Variants in EGFLAM observed in about 807,000 individuals in gnomAD.
EGFLAM encodes pikachurin.
EGFLAM carries 79 observed loss-of-function variants against 113.1 expected under a neutral mutation model. That is an observed-to-expected ratio of 0.70 (90% confidence interval 0.58 to 0.84). EGFLAM has a LOEUF of 0.84. EGFLAM is among the 40% of genes least tolerant of loss of function. The pLI, the probability that EGFLAM is intolerant of heterozygous loss-of-function variation, is 0.00. For synonymous variants in EGFLAM, 504 were observed against 487.6 expected, an observed-to-expected ratio of 1.03 and a Z score of -0.44; for missense variants, 1,265 against 1,291.6, an observed-to-expected ratio of 0.98 and a Z score of 0.32.
intron 6 of EGFLAM, among the ~76,000 whole-genome samples, chr5:38,390,072 G>GA (rs1355765263): frequency 2.0e-5 from 3 of 152,034 alleles, no homozygotes; most frequent in African/African-American, 4.8e-5. Flanking sequence ...CAGTGGTAGA[G>GA]AAAAAAATTA....
Position 38,407,036 on chromosome 5 carries a change from C to T in EGFLAM, c.1037C>T (p.Pro346Leu), listed in dbSNP as rs1741310442. Residue 346 changes from proline (P) to leucine (L), a missense_variant, in exon 8 of 22, where the codon CCT (proline) becomes CTT (leucine). Coordinates refer to ENST00000322350, the MANE Select transcript of EGFLAM (RefSeq NM_152403.4). ...VAIMSRLFDM[P>L]CDETLCSADS... The stretch of plus-strand genomic sequence containing the variant: ...ATAATGTCAAGGCTCTTTGACATGC[C>T]TTGTGATGAAACTCTCTGCTCTGCT... The T allele has an allele frequency of 6.2e-7, 1 of 1,614,164 alleles. No homozygotes were observed. Among genetic ancestry groups the T allele is most frequent in the Non-Finnish European group, 8.5e-7 (1 of 1,180,034 alleles).
chr5:38,430,659 A>G (rs764309730), intron 14 of EGFLAM, among the ~76,000 whole-genome samples: 2 of 152,188 alleles, frequency 1.3e-5, no homozygotes, highest in Non-Finnish European at 2.9e-5. Context: ...ATAGACATGT[A>G]GAGAGATTTA....
At chr5:38,279,202 A>C (rs1386256271) in intron 1 of EGFLAM, among the ~76,000 whole-genome samples, 1 of 152,214 alleles carries the variant, frequency 6.6e-6, no homozygotes, top group African/African-American at 2.4e-5. Context: ...GGCTGTTATC[A>C]AAAAGGCAAA....
At chr5:38,411,297 A>G (rs974341417) in intron 10 of EGFLAM, among the ~76,000 whole-genome samples, 4 of 151,840 alleles carry the variant, frequency 2.6e-5, no homozygotes, top group Non-Finnish European at 5.9e-5. Flanking sequence ...GTGTGGTGGC[A>G]TGCGCCTGTA....
At chr5:38,448,154 C>T (rs1300115505) in intron 17 of EGFLAM, 147 bp from the exon 18 acceptor site, 1 of 860,180 alleles carries the variant, frequency 1.2e-6, no homozygotes, top group Non-Finnish European at 1.9e-6. Flanking sequence ...GTGAACCTGG[C>T]CAAATATGCG....
At chr5:38,459,656 G>C (rs1258598263) in intron 20 of EGFLAM, among the ~76,000 whole-genome samples, 1 of 152,168 alleles carries the variant, frequency 6.6e-6, no homozygotes, top group Non-Finnish European at 1.5e-5. Context: ...AAAGTCATGA[G>C]TGAGGCCTGG....
chr5:38,369,376 G>A (rs1366503413), intron 5 of EGFLAM, among the ~76,000 whole-genome samples: 7 of 152,080 alleles, frequency 4.6e-5, no homozygotes, highest in Non-Finnish European at 1.0e-4. Flanking sequence ...AGACACATTT[G>A]AAGTGATGAC....
At chr5:38,269,318 C>G (rs1383690243) in intron 1 of EGFLAM, among the ~76,000 whole-genome samples, 2 of 152,032 alleles carry the variant, frequency 1.3e-5, no homozygotes, top group Admixed American at 1.3e-4. Context: ...CTGTTTGTGT[C>G]CCATAACAAA....
rs565123466 is a variant in EGFLAM, at chr5:38,368,215, G to A, written c.546-2081G>A. ...GGTATCCCCTGTGGTTTTCCTCTGCGAAGTGATTTTGTTCTAATTTGAGTT... is the reference window on the plus strand; with the variant it reads ...GGTATCCCCTGTGGTTTTCCTCTGCAAAGTGATTTTGTTCTAATTTGAGTT... On this transcript the variant is annotated intron_variant, in intron 5 of 21. Transcript: ENST00000322350. Among the ~76,000 whole-genome samples, 19 of 152,264 alleles carry A rather than the reference G, an allele frequency of 1.2e-4. No individual in the cohort carries two copies. The South Asian group carries it at 2.5e-3, about 20-fold the overall frequency.
chr5:38,326,947 CG>C (rs1445504297), intron 1 of EGFLAM, among the ~76,000 whole-genome samples: 1 of 150,582 alleles, frequency 6.6e-6, no homozygotes, highest in Non-Finnish European at 1.5e-5. Context: ...TACAGACATG[CG>C]ACACCACGCC....
At chr5:38,261,006 C>T (rs988683038) in intron 1 of EGFLAM, among the ~76,000 whole-genome samples, 4 of 152,152 alleles carry the variant, frequency 2.6e-5, no homozygotes, top group East Asian at 3.9e-4. Flanking sequence ...TTGAAGGTAT[C>T]GTGGCCACGG....
In EGFLAM at chr5:38,439,924, A is replaced by G. The variant is rs576757459; in HGVS notation, c.2464+1469A>G. Among the ~76,000 whole-genome samples the G allele has an allele frequency of 2.5e-4, 38 of 152,350 alleles. 2 individuals are homozygous for G. In the South Asian group the frequency reaches 7.2e-3, roughly 29 times the overall value. The stretch of plus-strand genomic sequence containing the variant: ...TTAATGGTCAATATGTAAATCCCGG[A>G]CTTAGATGAACATTTAGCACTGGAA... On this transcript the variant is annotated intron_variant, in intron 17 of 21. Transcript: ENST00000322350.
At chr5:38,279,696 G>A (rs1201389558) in intron 1 of EGFLAM, among the ~76,000 whole-genome samples, 2 of 152,154 alleles carry the variant, frequency 1.3e-5, no homozygotes, top group Admixed American at 1.3e-4. Context: ...GATTAGAATG[G>A]TGGTAACCAG....
At chr5:38,322,339 A>G (rs915311806) in intron 1 of EGFLAM, among the ~76,000 whole-genome samples, 4 of 152,166 alleles carry the variant, frequency 2.6e-5, no homozygotes, top group Admixed American at 2.6e-4. Context: ...ATGAGTACCC[A>G]AGGAGTGGAT....
intron 9 of EGFLAM, 32 bp from the exon 10 acceptor site, chr5:38,408,972 T>A: frequency 1.3e-6 from 2 of 1,543,024 alleles, no homozygotes; most frequent in East Asian, 2.4e-5. Context: ...AGGTGCTTAC[T>A]GTTCATGTGG....
intron 1 of EGFLAM, among the ~76,000 whole-genome samples, chr5:38,324,043 CAAAAA>C (rs34351121): frequency 2.2e-5 from 2 of 92,296 alleles, no homozygotes; most frequent in Non-Finnish European, 4.4e-5. Flanking sequence ...CCATCTCAAA[CAAAAA>C]AAAAAAAAAA....
chr5:38,393,326 T>C (rs1740865257), intron 6 of EGFLAM, among the ~76,000 whole-genome samples: 1 of 152,020 alleles, frequency 6.6e-6, no homozygotes, highest in African/African-American at 2.4e-5. Flanking sequence ...ACTTGAACAG[T>C]CTAAAATTCA....
intron 6 of EGFLAM, among the ~76,000 whole-genome samples, chr5:38,373,638 C>G (rs1425703911): frequency 6.6e-6 from 1 of 152,008 alleles, no homozygotes; most frequent in East Asian, 1.9e-4. Flanking sequence ...GTATATATAC[C>G]ACATTTTCTT....
chr5:38,454,637 C>T (rs996235280), intron 19 of EGFLAM, among the ~76,000 whole-genome samples: 7 of 152,192 alleles, frequency 4.6e-5, no homozygotes, highest in South Asian at 2.1e-4. Flanking sequence ...ACGGGCCCTG[C>T]GCCCAAGGGG....
Sources: allele counts gnomAD v4.1 joint callset (sites outside exome capture counted in the v4.1 genomes callset), GRCh38; gene constraint gnomAD v4.1.1; transcripts MANE v1.5; gene names NCBI Gene and HGNC (gene_info 2026-07-23, HGNC 2026-07-21).